The following ATRX variants were observed in gnomAD, a reference collection of about 807,000 sequenced individuals.
ATRX encodes chromatin remodeler ATRX.
ATRX carries 12 observed loss-of-function variants against 172.6 expected under a neutral mutation model. The observed-to-expected ratio is 0.07, with a 90% CI of 0.04 to 0.11. The LOEUF is 0.11. ATRX is among the 10% of genes least tolerant of loss of function. The probability of loss-of-function intolerance (pLI) is 1.00; values close to 1 mark genes in which losing one functional copy is unlikely to be tolerated. For missense variants in ATRX, 1,368 were observed against 1,767.4 expected, an observed-to-expected ratio of 0.77 and a Z score of 4.05; for synonymous variants, 674 against 594.7, an observed-to-expected ratio of 1.13 and a Z score of -1.94.
chrX:77,691,883 C>T (rs2071910005), intron 6 of ATRX, among the ~76,000 whole-genome samples: 1 of 111,747 alleles, frequency 8.9e-6, no homozygotes, highest in South Asian at 3.7e-4. Context: ...TGTAACAAAT[C>T]ATTAAGATGA....
chrX:77,595,943 T>C (rs1461341067), intron 25 of ATRX: 2 of 111,652 alleles, frequency 1.8e-5, no homozygotes, highest in Non-Finnish European at 3.8e-5. Context: ...TAAGTAATAA[T>C]AAATCTAACA....
At chrX:77,520,111 A>G (rs1557040678) in intron 34 of ATRX, among the ~76,000 whole-genome samples, 1 of 111,912 alleles carries the variant, frequency 8.9e-6, no homozygotes, top group African/African-American at 3.2e-5. Flanking sequence ...AACTAAAACA[A>G]TTGAACTCAT....
At chrX:77,767,397 A>AT (rs1320287801) in intron 1 of ATRX, among the ~76,000 whole-genome samples, 109 of 107,474 alleles carry the variant, frequency 1.0e-3, no homozygotes, top group Non-Finnish European at 1.7e-3. Flanking sequence ...AACATAATAG[A>AT]TTTTTTTTTT....
rs1233118742 is a variant in ATRX, at chrX:77,507,236, TA to T, written c.*1114del. On this transcript the variant is annotated 3_prime_UTR_variant, in exon 35 of 35. Transcript: ENST00000373344. ...TTAAAAAAATGTAAGGAAACTGGGG[TA>T]AAAGAACATGATGATGAGAGAAAAG... 1 of 168,403 alleles carries T rather than the reference TA, an allele frequency of 5.9e-6. No homozygotes were observed. Among genetic ancestry groups the T allele is most frequent in the Non-Finnish European group, 1.1e-5 (1 of 89,105 alleles). The allele number at this position is 168,403 out of a possible 1,213,427, so 13.9% of individuals were successfully genotyped here. A position where few individuals can be genotyped will look rare whatever the true frequency, so the allele number is the denominator to read the frequency against.
chrX:77,635,860 C>G, intron 16 of ATRX, 55 bp downstream of exon 16: 1 of 1,124,407 alleles, frequency 8.9e-7, no homozygotes, highest in Non-Finnish European at 1.2e-6. Flanking sequence ...GCCTCACACC[C>G]AAATATTGGT....
chrX:77,508,470 T>C lies in ATRX; in HGVS notation c.7360A>G (p.Ile2454Val). ...GGCTGATACATTCCTCTCATATCAA[T>C]CTGCTGGTAGTTAGAAGGATTCATG... Reference protein sequence around the residue: ...LIMNPSNYQQIDMRGMYQPVA... With the variant: ...LIMNPSNYQQVDMRGMYQPVA... Residue 2454 changes from isoleucine (I) to valine (V), a missense_variant, in exon 35 of 35, where the codon ATT becomes GTT. Transcript: ENST00000373344. 4.1e-6 allele frequency: 5 copies of C among 1,211,670 alleles called. No individual in the cohort carries two copies. Among genetic ancestry groups the C allele is most frequent in the Non-Finnish European group, 5.6e-6 (5 of 895,536 alleles).
chrX:77,589,792 C>T (rs1680678019), intron 27 of ATRX, 42 bp downstream of exon 27: 1 of 1,068,825 alleles, frequency 9.4e-7, no homozygotes, highest in African/African-American at 1.8e-5. Context: ...ATGTTTAAAT[C>T]AGTATTTTTA....
At position 77,733,839 on chromosome X, in the gene ATRX, G is replaced by T. The variant is rs541991435; in HGVS notation, c.21-16596C>A. On this transcript the variant is annotated intron_variant, in intron 1 of 34. Transcript: ENST00000373344. The stretch of plus-strand genomic sequence containing the variant: ...GCAGAGGTTGCAGTGAGGGGAGATA[G>T]CACCACTGCACTCCAGCCTGGGCAA... 2.7e-4 allele frequency among the ~76,000 whole-genome samples: 29 copies of T among 107,165 alleles called. No individual in the cohort carries two copies. The Middle Eastern group carries it at 0.015, about 55-fold the overall frequency. 93.1% of individuals were successfully genotyped at this position (107,165 alleles called of 115,157 possible). A position where few individuals can be genotyped will look rare whatever the true frequency, so the allele number is the denominator to read the frequency against.
intron 1 of ATRX, among the ~76,000 whole-genome samples, chrX:77,739,816 G>A (rs1370723907): frequency 9.2e-6 from 1 of 109,216 alleles, no homozygotes; most frequent in East Asian, 2.9e-4. Flanking sequence ...TTGGGAGGCC[G>A]AGGTGGGTAG....
At chrX:77,722,368 A>AT (rs1557169595) in intron 1 of ATRX, among the ~76,000 whole-genome samples, 2 of 109,718 alleles carry the variant, frequency 1.8e-5, no homozygotes, top group African/African-American at 3.3e-5. Flanking sequence ...AGCAAAAAAA[A>AT]AATATATATA....
At chrX:77,621,332 T>G (rs782519525) in intron 19 of ATRX, among the ~76,000 whole-genome samples, 2 of 111,379 alleles carry the variant, frequency 1.8e-5, no homozygotes, top group Non-Finnish European at 3.8e-5. Flanking sequence ...TTATTTGAGA[T>G]GGAGTCTCCC....
chrX:77,709,641 G>A (rs1603259269), intron 2 of ATRX, among the ~76,000 whole-genome samples: 1 of 70,670 alleles, frequency 1.4e-5, no homozygotes, highest in Middle Eastern at 7.3e-3. Flanking sequence ...GAGTCCAATG[G>A]AGTAAAAAAA....
chrX:77,646,171 ACATAATAATTT>A (rs2068901169), intron 15 of ATRX, among the ~76,000 whole-genome samples: 1 of 112,163 alleles, frequency 8.9e-6, no homozygotes, highest in South Asian at 3.7e-4. Flanking sequence ...ACATAGATGG[ACATAATAATTT>A]TTAAAAAATG....
chrX:77,646,222 C>T (rs782175428), intron 15 of ATRX, among the ~76,000 whole-genome samples: 4 of 111,443 alleles, frequency 3.6e-5, no homozygotes, highest in South Asian at 3.8e-4. Context: ...AAAAAAGGTT[C>T]GCTTTAGATC....
At chrX:77,525,623 G>T (rs2063355529) in intron 30 of ATRX, among the ~76,000 whole-genome samples, 1 of 112,289 alleles carries the variant, frequency 8.9e-6, no homozygotes, top group Admixed American at 9.4e-5. Flanking sequence ...CTGGTTAAGA[G>T]AAAGGCCAAG....
chrX:77,650,774 G>A (rs1464946901), intron 15 of ATRX, among the ~76,000 whole-genome samples: 1 of 110,575 alleles, frequency 9.0e-6, no homozygotes, highest in Non-Finnish European at 1.9e-5. Flanking sequence ...TTTTAGTAGA[G>A]ACGGGGTTTC....
chrX:77,606,739 A>G (rs1240594883), intron 22 of ATRX, among the ~76,000 whole-genome samples: 1 of 88,756 alleles, frequency 1.1e-5, no homozygotes, highest in Non-Finnish European at 2.2e-5. Flanking sequence ...CCTGGGCAAC[A>G]TAGAGACCTC....
intron 22 of ATRX, among the ~76,000 whole-genome samples, chrX:77,603,527 G>A (rs1000723717): frequency 5.2e-5 from 4 of 77,401 alleles, no homozygotes; most frequent in South Asian, 1.3e-3. Context: ...CACCATGCTC[G>A]GCTAATTTTT....
intron 15 of ATRX, among the ~76,000 whole-genome samples, chrX:77,642,924 T>C (rs936155118): frequency 9.0e-6 from 1 of 110,844 alleles, no homozygotes; most frequent in East Asian, 2.8e-4. Flanking sequence ...AACCCAAGAA[T>C]TTGAGGCTAA....
Sources: gnomAD v4.1 joint callset for allele counts (sites outside exome capture counted in the v4.1 genomes callset) on GRCh38, gnomAD v4.1.1 for gene constraint, MANE v1.5 for transcripts, NCBI Gene and HGNC (gene_info 2026-07-23, HGNC 2026-07-21) for gene names.